The following PIK3C2G variants were observed in gnomAD, a reference collection of about 807,000 sequenced individuals.
The protein encoded by PIK3C2G is phosphatidylinositol 3-kinase C2 domain-containing subunit gamma.
A neutral mutation model predicts 181.1 loss-of-function variants in PIK3C2G; 168 were observed. The ratio of observed to expected loss-of-function variants is 0.93; its 90% CI spans 0.82 to 1.05. PIK3C2G has a LOEUF of 1.05. Among genes scored for constraint, PIK3C2G ranks in the 50% least tolerant of loss-of-function variants. PIK3C2G has a pLI of 0.00. For synonymous variants in PIK3C2G, 573 were observed against 592.2 expected, an observed-to-expected ratio of 0.97 and a Z score of 0.47; for missense variants, 1,869 against 1,732.8, an observed-to-expected ratio of 1.08 and a Z score of -1.40.
chr12:18,521,108 G>T (rs772530288), intron 24 of PIK3C2G, among the ~76,000 whole-genome samples: 20 of 152,146 alleles, frequency 1.3e-4, no homozygotes, highest in Non-Finnish European at 2.6e-4. Flanking sequence ...AACAGCAAAG[G>T]TGGGTGCCTG....
intron 9 of PIK3C2G, among the ~76,000 whole-genome samples, chr12:18,339,028 C>G (rs376460542): frequency 6.6e-6 from 1 of 151,872 alleles, no homozygotes; most frequent in East Asian, 1.9e-4. Flanking sequence ...GTATCTTTTG[C>G]GAATTTTGCA....
At chr12:18,304,794 T>C (rs1469808409) in intron 5 of PIK3C2G, among the ~76,000 whole-genome samples, 2 of 152,178 alleles carry the variant, frequency 1.3e-5, no homozygotes, top group African/African-American at 2.4e-5. Context: ...CCTGAACGAA[T>C]TGATTACTTC....
intron 3 of PIK3C2G, among the ~76,000 whole-genome samples, chr12:18,288,508 T>G (rs911453027): frequency 6.6e-6 from 1 of 152,170 alleles, no homozygotes; most frequent in Non-Finnish European, 1.5e-5. Context: ...ACGAAAATGT[T>G]CAATCTTTAA....
chr12:18,546,516 CCAGT>C, intron 26 of PIK3C2G, 84 bp downstream of exon 26: 1 of 771,944 alleles, frequency 1.3e-6, no homozygotes, highest in Admixed American at 2.1e-5. Context: ...TTCAGGTTGA[CCAGT>C]CATTGGTATG....
At chr12:18,269,274 T>C (rs539319230) in intron 1 of PIK3C2G, among the ~76,000 whole-genome samples, 7 of 152,304 alleles carry the variant, frequency 4.6e-5, no homozygotes, top group African/African-American at 1.7e-4. Context: ...TTAAACATCA[T>C]TAAGTAGGTA....
chr12:18,305,560 T>C (rs1950384560), intron 5 of PIK3C2G, among the ~76,000 whole-genome samples: 1 of 152,138 alleles, frequency 6.6e-6, no homozygotes, highest in African/African-American at 2.4e-5. Context: ...AATTATTAAA[T>C]CTTCCTAATT....
At chr12:18,723,574 G>T in the PIK3C2G span, 2 of 1,507,768 alleles carry the variant, frequency 1.3e-6, no homozygotes, top group South Asian at 2.3e-5. Context: ...GGCTCACATT[G>T]TGAGTATAAA....
chr12:18,650,345 ATATGTGTG>A (rs1278201590), downstream of PIK3C2G, among the ~76,000 whole-genome samples: 142 of 127,728 alleles, frequency 1.1e-3, 1 homozygote, highest in African/African-American at 5.0e-3. Context: ...ATATATATAT[ATATGTGTG>A]TGTGTGTGTG....
intron 31 of PIK3C2G, among the ~76,000 whole-genome samples, chr12:18,615,327 C>T (rs144903453): frequency 0.016 from 2,050 of 127,670 alleles, 62 homozygotes; most frequent in African/African-American, 0.065. Flanking sequence ...AGTAGTATTC[C>T]ACGGTGTGTG....
At chr12:18,658,968 A>T in the PIK3C2G span, among the ~76,000 whole-genome samples, 1 of 152,292 alleles carries the variant, frequency 6.6e-6, no homozygotes, top group South Asian at 2.1e-4. Flanking sequence ...TGAAGATATT[A>T]TAATCATGCA....
In PIK3C2G at chr12:18,321,588, T is replaced by C. The variant is rs141940642; in HGVS notation, c.1208+556T>C. Among the ~76,000 whole-genome samples, 19 of 152,326 alleles carry C rather than the reference T, an allele frequency of 1.2e-4. No homozygotes were observed. In the East Asian group the frequency reaches 3.5e-3, roughly 28 times the overall value. On this transcript the variant is annotated intron_variant, in intron 7 of 32. Coordinates refer to ENST00000538779, the MANE Select transcript of PIK3C2G (RefSeq NM_001288772.2). Reference sequence around the variant, plus strand: ...TGGGTGTATCTGCAGTTAAGGTTGTTGTGAGCTGAACCAGTAGAAAATGTA... The same window carrying C: ...TGGGTGTATCTGCAGTTAAGGTTGTCGTGAGCTGAACCAGTAGAAAATGTA...
At chr12:18,594,712 T>C (rs937816550) in intron 30 of PIK3C2G, 143 bp downstream of exon 30, 2 of 447,452 alleles carry the variant, frequency 4.5e-6, no homozygotes, top group East Asian at 7.2e-5. Context: ...ACCATTTCCA[T>C]AGCGTAAACT....
intron 12 of PIK3C2G, among the ~76,000 whole-genome samples, chr12:18,366,375 A>T (rs933273822): frequency 1.4e-4 from 22 of 152,114 alleles, no homozygotes; most frequent in Non-Finnish European, 3.1e-4. Flanking sequence ...TCTACTAAAA[A>T]TACAAAAATT....
At chr12:18,612,229 G>A (rs1948375893) in intron 31 of PIK3C2G, among the ~76,000 whole-genome samples, 1 of 151,998 alleles carries the variant, frequency 6.6e-6, no homozygotes, top group African/African-American at 2.4e-5. Context: ...TTCTTCCCAA[G>A]CTCATGGATC....
intron 5 of PIK3C2G, among the ~76,000 whole-genome samples, chr12:18,307,026 G>C (rs1215484927): frequency 6.7e-6 from 1 of 149,646 alleles, no homozygotes; most frequent in Non-Finnish European, 1.5e-5. Flanking sequence ...GGTTTCCAAG[G>C]AGCGGCTAGG....
chr12:18,708,690 G>A, the PIK3C2G span, among the ~76,000 whole-genome samples: 1 of 152,062 alleles, frequency 6.6e-6, no homozygotes, highest in Non-Finnish European at 1.5e-5. Context: ...ACTTTTTGAT[G>A]AGACCTTCTA....
chr12:18,493,545 G>C (rs1940757358), intron 20 of PIK3C2G: 1 of 152,458 alleles, frequency 6.6e-6, no homozygotes, highest in Admixed American at 6.5e-5. Flanking sequence ...TATAGTGCCA[G>C]TCTTGTGGTA....
chr12:18,308,758 T>A (rs1430396407), intron 5 of PIK3C2G, among the ~76,000 whole-genome samples: 1 of 151,690 alleles, frequency 6.6e-6, no homozygotes, highest in Non-Finnish European at 1.5e-5. Flanking sequence ...AATTGAGAAA[T>A]TTTTTAAATA....
chr12:18,247,907 C>G (rs979559068), exon 1 of PIK3C2G: 1 of 152,094 alleles, frequency 6.6e-6, no homozygotes, highest in East Asian at 1.9e-4. Flanking sequence ...CCGAGGACTC[C>G]CATACCCTTA....
Sources: gnomAD v4.1 joint callset for allele counts (sites outside exome capture counted in the v4.1 genomes callset) on GRCh38, gnomAD v4.1.1 for gene constraint, MANE v1.5 for transcripts, NCBI Gene and HGNC (gene_info 2026-07-23, HGNC 2026-07-21) for gene names.